Variants in ERAP1 observed in about 807,000 individuals in gnomAD.
ERAP1 encodes endoplasmic reticulum aminopeptidase 1, also known as adipocyte-derived leucine aminopeptidase.
Under a neutral mutation model 103.7 loss-of-function variants are expected in ERAP1, and 86 were observed. That is an observed-to-expected ratio of 0.83 (90% CI 0.70 to 0.99). ERAP1 has a LOEUF of 0.99. Among genes scored for constraint, ERAP1 ranks in the 50% least tolerant of loss-of-function variants. ERAP1 has a pLI of 0.00. For missense variants in ERAP1, 1,009 were observed against 1,128.4 expected (o/e 0.89, Z 1.52); for synonymous variants, 398 against 402.4 (o/e 0.99, Z 0.13).
the ERAP1 span, among the ~76,000 whole-genome samples, chr5:96,824,515 T>C: frequency 6.6e-6 from 1 of 152,142 alleles, no homozygotes. Flanking sequence ...TTCCAAACCA[T>C]CTCCTATCTC....
chr5:96,814,414 T>G, the ERAP1 span: 1 of 439,668 alleles, frequency 2.3e-6, no homozygotes, highest in East Asian at 7.0e-5. Flanking sequence ...ACATTGAAGA[T>G]ATTTCTACTA....
chr5:96,876,565 T>A, the ERAP1 span: 2 of 152,326 alleles, frequency 1.3e-5, no homozygotes, highest in Non-Finnish European at 2.9e-5. Flanking sequence ...TGTCTTAAAA[T>A]TAGATTTTTT....
the ERAP1 span, among the ~76,000 whole-genome samples, chr5:96,875,223 G>A: frequency 1.3e-5 from 2 of 152,092 alleles, no homozygotes; most frequent in Non-Finnish European, 2.9e-5. Context: ...TTCTTAGTTG[G>A]ATAGAAAGAG....
the ERAP1 span, chr5:96,909,662 G>A: frequency 4.3e-6 from 7 of 1,614,128 alleles, no homozygotes; most frequent in African/African-American, 5.3e-5. Context: ...AGGATGCTCC[G>A]CTCGGCTCTC....
chr5:96,789,443 C>A (rs113903791), intron 10 of ERAP1, among the ~76,000 whole-genome samples: 1 of 151,674 alleles, frequency 6.6e-6, no homozygotes, highest in African/African-American at 2.4e-5. Flanking sequence ...GCCGAGATCA[C>A]GCCACTGCAC....
chr5:96,862,816 T>C, the ERAP1 span, among the ~76,000 whole-genome samples: 1 of 152,156 alleles, frequency 6.6e-6, no homozygotes, highest in African/African-American at 2.4e-5. Flanking sequence ...AGAGAAGTGC[T>C]TGTTACAAGA....
the ERAP1 span, chr5:96,901,617 C>T: frequency 2.5e-6 from 4 of 1,614,120 alleles, no homozygotes; most frequent in East Asian, 4.5e-5. Flanking sequence ...ACTCCGACTG[C>T]AACAGGAGCG....
intron 19 of ERAP1, chr5:96,768,099 C>T: frequency 1.2e-6 from 1 of 816,404 alleles, no homozygotes; most frequent in Non-Finnish European, 2.1e-6. Flanking sequence ...ATCGGTCTGT[C>T]TTGTAACAGG....
intron 3 of ERAP1, among the ~76,000 whole-genome samples, chr5:96,798,222 G>C (rs1310882000): frequency 6.6e-6 from 1 of 151,376 alleles, no homozygotes; most frequent in African/African-American, 2.4e-5. Context: ...CTACTCGGGA[G>C]GCTGAGGCAG....
chr5:96,912,828 T>A, the ERAP1 span: 31 of 1,555,338 alleles, frequency 2.0e-5, no homozygotes, highest in East Asian at 2.3e-5. Flanking sequence ...TAAATTGTTA[T>A]AAGTAAACTG....
the ERAP1 span, among the ~76,000 whole-genome samples, chr5:96,850,261 A>T: frequency 7.2e-5 from 11 of 152,302 alleles, no homozygotes; most frequent in African/African-American, 2.4e-4. Flanking sequence ...ATAAACTAAA[A>T]ACCTTCTGCA....
At chr5:96,909,773 A>G in the ERAP1 span, 1 of 1,613,378 alleles carries the variant, frequency 6.2e-7, no homozygotes, top group African/African-American at 1.3e-5. Flanking sequence ...AAGTAGATGT[A>G]GACTTCTGTC....
chr5:96,918,740 T>C, the ERAP1 span: 4 of 152,248 alleles, frequency 2.6e-5, no homozygotes, highest in African/African-American at 9.6e-5. Flanking sequence ...CATACACTAT[T>C]GCATTTTTAA....
chr5:96,856,365 T>TAGAGAGAGAGAGAGAG, the ERAP1 span, among the ~76,000 whole-genome samples: 4 of 20,386 alleles, frequency 2.0e-4, no homozygotes, highest in Admixed American at 6.1e-4. Flanking sequence ...TATATATATA[T>TAGAGAGAGAGAGAGAG]AGAGAGAGAG....
the ERAP1 span, among the ~76,000 whole-genome samples, chr5:96,872,926 A>G: frequency 4.2e-3 from 639 of 152,332 alleles, 9 homozygotes; most frequent in African/African-American, 0.014. Flanking sequence ...GCGGTGGCTC[A>G]TGCCTGTAAT....
At chr5:96,839,328 G>T in the ERAP1 span, among the ~76,000 whole-genome samples, 1 of 152,206 alleles carries the variant, frequency 6.6e-6, no homozygotes, top group African/African-American at 2.4e-5. Flanking sequence ...CAGAGATCTG[G>T]CTGATAGCAT....
rs201063342 is a variant in ERAP1, at chr5:96,765,197, A to C, written c.2819-1969T>G. The C allele has an allele frequency of 3.1e-5, 42 of 1,347,116 alleles. No homozygotes were observed. The East Asian group carries it at 9.4e-4, about 30-fold the overall frequency. The allele number at this position is 1,347,116 out of a possible 1,614,324, so 83.4% of individuals were successfully genotyped here. ...GATACAGTTTGGCTAATGAGTGACT[A>C]ATTCAGCATTATTTACTTTTCAGCA... On this transcript the variant is annotated intron_variant, in intron 19 of 19. Coordinates refer to the ERAP1 transcript ENST00000296754.
chr5:96,935,801 T>G, the ERAP1 span: 3 of 276,794 alleles, frequency 1.1e-5, no homozygotes, highest in Non-Finnish European at 2.1e-5. Flanking sequence ...GGCTCCACAT[T>G]TGTTGAGTGA....
upstream of ERAP1, among the ~76,000 whole-genome samples, chr5:96,809,789 CCT>C (rs1291177262): frequency 6.6e-6 from 1 of 152,052 alleles, no homozygotes; most frequent in Non-Finnish European, 1.5e-5. Context: ...CAAGATGAGA[CCT>C]CTTTGTCCAG....
Sources: allele counts gnomAD v4.1 joint callset (sites outside exome capture counted in the v4.1 genomes callset), GRCh38; gene constraint gnomAD v4.1.1; transcripts MANE v1.5; gene names NCBI Gene and HGNC (gene_info 2026-07-23, HGNC 2026-07-21).